The following CHN2 variants were observed in gnomAD, a reference collection of about 807,000 sequenced individuals.
The protein encoded by CHN2 is beta-chimaerin.
In CHN2, 35 loss-of-function variants were observed where a neutral mutation model predicts 56.3. That is an observed-to-expected ratio of 0.62 (90% confidence interval 0.47 to 0.82). CHN2 has a LOEUF of 0.82. Among genes scored for constraint, CHN2 ranks in the 40% least tolerant of loss-of-function variants. The pLI is 0.00. For synonymous variants in CHN2, 210 were observed against 212.8 expected (o/e 0.99, Z 0.12); for missense variants, 491 against 580.5 (o/e 0.85, Z 1.58).
chr7:29,376,187 A>G (rs1057307969), intron 3 of CHN2: 2 of 152,174 alleles, frequency 1.3e-5, no homozygotes, highest in Non-Finnish European at 2.9e-5. Context: ...ATATTACCTA[A>G]TTATTTACTT....
intron 6 of CHN2, among the ~76,000 whole-genome samples, chr7:29,465,702 A>G (rs1247640943): frequency 3.9e-5 from 6 of 152,154 alleles, no homozygotes; most frequent in Non-Finnish European, 8.8e-5. Context: ...AGGTTTGATA[A>G]GCACACTGCA....
At chr7:29,222,235 T>C (rs896222088) in intron 1 of CHN2, among the ~76,000 whole-genome samples, 11 of 152,158 alleles carry the variant, frequency 7.2e-5, no homozygotes, top group African/African-American at 2.7e-4. Context: ...TGGAAAAAGA[T>C]TACATGCTCA....
chr7:29,316,826 T>A (rs1794987567), intron 1 of CHN2, among the ~76,000 whole-genome samples: 1 of 152,124 alleles, frequency 6.6e-6, no homozygotes, highest in South Asian at 2.1e-4. Context: ...TATAGTCTCC[T>A]TTTTTGGAGG....
At chr7:29,389,920 G>T (rs1039429648) in intron 3 of CHN2, among the ~76,000 whole-genome samples, 1 of 151,922 alleles carries the variant, frequency 6.6e-6, no homozygotes, top group Non-Finnish European at 1.5e-5. Flanking sequence ...CAGGCACGGT[G>T]GTATGCGCCT....
chr7:29,172,695 C>G (rs1442829248), intron 2 of CHN2, among the ~76,000 whole-genome samples: 4 of 151,932 alleles, frequency 2.6e-5, no homozygotes, highest in Admixed American at 2.0e-4. Context: ...TTTTGACATA[C>G]AGTCATCTGA....
At chr7:29,295,221 T>G (rs1384015160) in intron 1 of CHN2, among the ~76,000 whole-genome samples, 1 of 152,068 alleles carries the variant, frequency 6.6e-6, no homozygotes, top group Non-Finnish European at 1.5e-5. Flanking sequence ...ACCATCCATT[T>G]TTTTCAAATA....
At chr7:29,166,028 T>C (rs1243005729) in intron 2 of CHN2, among the ~76,000 whole-genome samples, 1 of 151,940 alleles carries the variant, frequency 6.6e-6, no homozygotes, top group East Asian at 1.9e-4. Context: ...GCAAAGTGGG[T>C]TTTTGTTTGT....
At chr7:29,191,418 T>C, upstream of CHN2, among the ~76,000 whole-genome samples, 1 of 152,112 alleles carries the variant, frequency 6.6e-6, no homozygotes, top group Admixed American at 6.5e-5. Context: ...TGAACCCTTT[T>C]GGTATGTAGG....
intron 1 of CHN2, among the ~76,000 whole-genome samples, chr7:29,211,742 G>A (rs544980964): frequency 6.6e-6 from 1 of 152,022 alleles, no homozygotes; most frequent in Non-Finnish European, 1.5e-5. Flanking sequence ...CACCCTATAG[G>A]CCCATAGTAC....
At chr7:29,301,356 C>G (rs1585004113) in intron 1 of CHN2, among the ~76,000 whole-genome samples, 1 of 146,904 alleles carries the variant, frequency 6.8e-6, no homozygotes, top group African/African-American at 2.5e-5. Flanking sequence ...CACACACACA[C>G]ACACACACAC....
At chr7:29,292,053 G>A (rs1392289588) in intron 1 of CHN2, among the ~76,000 whole-genome samples, 2 of 152,106 alleles carry the variant, frequency 1.3e-5, no homozygotes, top group Admixed American at 6.5e-5. Context: ...ATGAACTACC[G>A]GGGCGGAGGA....
chr7:29,291,038 C>T (rs1676981030), intron 1 of CHN2, among the ~76,000 whole-genome samples: 1 of 152,134 alleles, frequency 6.6e-6, no homozygotes, highest in Non-Finnish European at 1.5e-5. Flanking sequence ...GGGTTGTTTG[C>T]ATGCACAGTG....
intron 5 of CHN2, chr7:29,400,257 G>GTGA (rs1406890015): frequency 2.2e-6 from 1 of 450,746 alleles, no homozygotes; most frequent in East Asian, 4.0e-5. Flanking sequence ...ACGACTCCAT[G>GTGA]TGATGTCCTG....
At chr7:29,241,686 G>A (rs1055055064) in intron 1 of CHN2, among the ~76,000 whole-genome samples, 35 of 152,126 alleles carry the variant, frequency 2.3e-4, no homozygotes, top group Admixed American at 1.8e-3. Context: ...GGCAGGAGGG[G>A]AGGGAGAGAG....
chr7:29,457,625 A>G (rs1784862133), intron 6 of CHN2, among the ~76,000 whole-genome samples: 1 of 152,216 alleles, frequency 6.6e-6, no homozygotes, highest in Admixed American at 6.5e-5. Flanking sequence ...TCCAGGTTTC[A>G]ACAGCAAGTC....
At chr7:29,466,032 C>T (rs1464449297) in intron 6 of CHN2, among the ~76,000 whole-genome samples, 6 of 152,062 alleles carry the variant, frequency 3.9e-5, no homozygotes, top group African/African-American at 1.2e-4. Flanking sequence ...GGTGAAACCC[C>T]GTCTCTATTA....
intron 6 of CHN2, among the ~76,000 whole-genome samples, chr7:29,472,589 G>GA (rs928433703): frequency 1.9e-4 from 29 of 148,976 alleles, no homozygotes; most frequent in Middle Eastern, 3.4e-3. Flanking sequence ...TGGGCCAAGG[G>GA]AAAAAAAAAG....
chr7:29,438,500 A>G (rs1455381444), intron 6 of CHN2, among the ~76,000 whole-genome samples: 3 of 152,210 alleles, frequency 2.0e-5, no homozygotes, highest in Non-Finnish European at 4.4e-5. Context: ...TTAGATGTTT[A>G]AGTTCATTCT....
At chr7:29,511,609 A>C (rs893899875) in intron 12 of CHN2, among the ~76,000 whole-genome samples, 1 of 152,196 alleles carries the variant, frequency 6.6e-6, no homozygotes. Flanking sequence ...CATGTACATG[A>C]CACAAACTGG....
Sources: gnomAD v4.1 joint callset for allele counts (sites outside exome capture counted in the v4.1 genomes callset) on GRCh38, gnomAD v4.1.1 for gene constraint, MANE v1.5 for transcripts, NCBI Gene and HGNC (gene_info 2026-07-23, HGNC 2026-07-21) for gene names.